The following CNTN4 variants were observed in gnomAD, a reference collection of about 807,000 sequenced individuals.
CNTN4 encodes the protein contactin-4.
CNTN4 carries 77 observed loss-of-function variants against 122.5 expected under a neutral mutation model. The observed-to-expected ratio is 0.63, with a 90% CI of 0.52 to 0.76. The LOEUF is 0.76. CNTN4 is among the 30% of genes least tolerant of loss of function. The pLI is 0.00. For synonymous variants in CNTN4, 512 were observed against 447.0 expected (o/e 1.15, Z -1.83); for missense variants, 1,256 against 1,259.1 (o/e 1.00, Z 0.04).
At chr3:2,555,618 A>G (rs575485457) in intron 3 of CNTN4, among the ~76,000 whole-genome samples, 1 of 152,310 alleles carries the variant, frequency 6.6e-6, no homozygotes, top group Non-Finnish European at 1.5e-5. Context: ...TACAAATTTG[A>G]AGCTAATCAC....
chr3:2,985,070 C>G (rs1348307391), intron 13 of CNTN4, among the ~76,000 whole-genome samples: 1 of 152,192 alleles, frequency 6.6e-6, no homozygotes, highest in African/African-American at 2.4e-5. Context: ...TGTGAATGAA[C>G]AAAAGGCCTT....
At chr3:2,635,884 C>A (rs1439483681) in intron 4 of CNTN4, among the ~76,000 whole-genome samples, 2 of 152,182 alleles carry the variant, frequency 1.3e-5, no homozygotes, top group Non-Finnish European at 2.9e-5. Flanking sequence ...CAGATCACCA[C>A]CTCTGGACAA....
chr3:2,119,281 G>A (rs1574864520), intron 2 of CNTN4, among the ~76,000 whole-genome samples: 1 of 152,280 alleles, frequency 6.6e-6, no homozygotes, highest in East Asian at 1.9e-4. Flanking sequence ...TCCTTGGTGT[G>A]TCTCTTTCTT....
intron 2 of CNTN4, among the ~76,000 whole-genome samples, chr3:2,205,284 G>C (rs79172643): frequency 0.01 from 1,535 of 148,954 alleles, 21 homozygotes; most frequent in African/African-American, 0.036. Flanking sequence ...TTCCACCAGT[G>C]AAAAAATACA....
At chr3:2,600,919 T>A (rs1452523428) in intron 4 of CNTN4, among the ~76,000 whole-genome samples, 3 of 152,206 alleles carry the variant, frequency 2.0e-5, no homozygotes, top group African/African-American at 4.8e-5. Context: ...GGTATCTCAT[T>A]GTGGTTTTGA....
rs1055267834 is a variant in CNTN4, at chr3:2,662,870, A to G, written c.56-73345A>G. 2.0e-5 allele frequency among the ~76,000 whole-genome samples: 3 copies of G among 152,128 alleles called. No individual in the cohort carries two copies. In the East Asian group the frequency reaches 5.8e-4, roughly 29 times the overall value. ...CGCTTTGGGAGGCTGAGGTGGGTGG[A>G]TCACTTGAGATCAGGAGTTCGAGAC... On this transcript the variant is annotated intron_variant, in intron 4 of 24. Transcript: ENST00000418658.
intron 4 of CNTN4, among the ~76,000 whole-genome samples, chr3:2,651,102 T>TA (rs2083337512): frequency 6.6e-6 from 1 of 152,214 alleles, no homozygotes; most frequent in South Asian, 2.1e-4. Context: ...AAAAGACTGT[T>TA]ACGGTCTTTT....
intron 3 of CNTN4, among the ~76,000 whole-genome samples, chr3:2,363,116 T>C (rs2045228436): frequency 1.3e-5 from 2 of 152,218 alleles, no homozygotes; most frequent in Non-Finnish European, 2.9e-5. Context: ...GATTCTCTTA[T>C]GTGGTAAAAT....
chr3:2,811,988 C>G (rs527591291), intron 6 of CNTN4, among the ~76,000 whole-genome samples: 1 of 152,072 alleles, frequency 6.6e-6, no homozygotes, highest in Non-Finnish European at 1.5e-5. Context: ...TATTTACATC[C>G]TTTAAAAAAG....
chr3:2,811,282 C>T (rs1354803470), intron 6 of CNTN4, among the ~76,000 whole-genome samples: 1 of 150,938 alleles, frequency 6.6e-6, no homozygotes, highest in Non-Finnish European at 1.5e-5. Context: ...GTGGCAGGTG[C>T]CTGTAATCTC....
intron 8 of CNTN4, among the ~76,000 whole-genome samples, chr3:2,872,972 G>C (rs936884347): frequency 6.6e-6 from 1 of 152,146 alleles, no homozygotes; most frequent in Non-Finnish European, 1.5e-5. Flanking sequence ...CAGTGAATAA[G>C]AGCAGCATTG....
chr3:2,476,091 C>T (rs1342019129), intron 3 of CNTN4, among the ~76,000 whole-genome samples: 1 of 152,166 alleles, frequency 6.6e-6, no homozygotes, highest in African/African-American at 2.4e-5. Flanking sequence ...ATTAATATCC[C>T]TTTTTGTTCA....
intron 8 of CNTN4, among the ~76,000 whole-genome samples, chr3:2,878,182 C>T (rs764375021): frequency 6.6e-6 from 1 of 152,094 alleles, no homozygotes; most frequent in African/African-American, 2.4e-5. Context: ...ATTCACGTTC[C>T]TGTAGCCATA....
chr3:2,190,863 G>T (rs1281969248), intron 2 of CNTN4, among the ~76,000 whole-genome samples: 10 of 148,128 alleles, frequency 6.8e-5, no homozygotes, highest in African/African-American at 2.3e-4. Flanking sequence ...TATATATCTC[G>T]TACACACACA....
intron 3 of CNTN4, among the ~76,000 whole-genome samples, chr3:2,375,947 G>A (rs1001323771): frequency 5.3e-5 from 8 of 151,760 alleles, no homozygotes; most frequent in African/African-American, 1.9e-4. Context: ...AAAACCCTCT[G>A]CTGTTCTCTT....
At chr3:2,115,605 A>G (rs1042789498) in intron 2 of CNTN4, among the ~76,000 whole-genome samples, 5 of 152,214 alleles carry the variant, frequency 3.3e-5, no homozygotes, top group African/African-American at 1.2e-4. Flanking sequence ...AGTTTATGGT[A>G]AGTACTCTTA....
intron 6 of CNTN4, among the ~76,000 whole-genome samples, chr3:2,764,302 TAGAG>T (rs1362729350): frequency 6.6e-6 from 1 of 152,190 alleles, no homozygotes; most frequent in Non-Finnish European, 1.5e-5. Flanking sequence ...GAAATTAACA[TAGAG>T]AGCATTAAGA....
rs372017607 is a variant in CNTN4 at position 2,748,792 on chromosome 3, A to G, written c.358+3095A>G. Among the ~76,000 whole-genome samples, 54 of 152,316 alleles carry G rather than the reference A, an allele frequency of 3.5e-4. No individual in the cohort carries two copies. In the South Asian group the frequency reaches 0.011, roughly 31 times the overall value. On this transcript the variant is annotated intron_variant, in intron 6 of 24. Transcript: ENST00000418658. ...TAACCATTTATCCTAAAACTGCCAG[A>G]GTAATCTTTTAAAAAATGTAAATTA...
At chr3:2,253,015 A>T (rs973036101) in intron 2 of CNTN4, among the ~76,000 whole-genome samples, 15 of 152,126 alleles carry the variant, frequency 9.9e-5, no homozygotes, top group African/African-American at 3.6e-4. Flanking sequence ...AAAAAAACCA[A>T]TATGAAGTAG....
Sources: gnomAD v4.1 joint callset for allele counts (sites outside exome capture counted in the v4.1 genomes callset) on GRCh38, gnomAD v4.1.1 for gene constraint, MANE v1.5 for transcripts, NCBI Gene and HGNC (gene_info 2026-07-23, HGNC 2026-07-21) for gene names.